The following DCHS2 variants were observed in gnomAD, a reference collection of about 807,000 sequenced individuals.
DCHS2 encodes protocadherin-23.
Under a neutral mutation model 182.4 loss-of-function variants are expected in DCHS2, and 142 were observed. That is an observed-to-expected ratio of 0.78 (90% CI 0.68 to 0.89). DCHS2 has a LOEUF of 0.89. Among genes scored for constraint, DCHS2 ranks in the 40% least tolerant of loss-of-function variants. The pLI is 0.00. For missense variants in DCHS2, 4,319 were observed against 4,198.6 expected (o/e 1.03, Z -0.79); for synonymous variants, 1,740 against 1,663.3 (o/e 1.05, Z -1.12).
At chr4:154,463,463 T>C (rs554790072) in intron 1 of DCHS2, among the ~76,000 whole-genome samples, 1 of 152,106 alleles carries the variant, frequency 6.6e-6, no homozygotes, top group Non-Finnish European at 1.5e-5. Flanking sequence ...GCCTGACATA[T>C]TTTTAACAAA....
chr4:154,450,406 G>A (rs552867988), intron 1 of DCHS2, among the ~76,000 whole-genome samples: 3 of 152,212 alleles, frequency 2.0e-5, no homozygotes, highest in African/African-American at 4.8e-5. Flanking sequence ...TTTACCAATC[G>A]CTAAAAATAA....
chr4:154,376,031 C>T (rs1031263023), intron 2 of DCHS2, among the ~76,000 whole-genome samples: 5 of 151,826 alleles, frequency 3.3e-5, no homozygotes, highest in African/African-American at 7.3e-5. Flanking sequence ...TATACTAATG[C>T]TTGGTGTTAG....
chr4:154,276,503 A>G (rs1733861089), intron 13 of DCHS2, among the ~76,000 whole-genome samples: 1 of 152,218 alleles, frequency 6.6e-6, no homozygotes, highest in African/African-American at 2.4e-5. Context: ...GAAGTGCATG[A>G]GTGAATAATT....
At chr4:154,253,958 T>A (rs959504145) in intron 16 of DCHS2, among the ~76,000 whole-genome samples, 4 of 152,234 alleles carry the variant, frequency 2.6e-5, no homozygotes, top group African/African-American at 4.8e-5. Context: ...ACAGGATGTC[T>A]GCTCTGCAGC....
chr4:154,319,103 T>C (rs1735960592), intron 9 of DCHS2, among the ~76,000 whole-genome samples: 1 of 152,080 alleles, frequency 6.6e-6, no homozygotes, highest in Non-Finnish European at 1.5e-5. Flanking sequence ...AAAAGGCTAA[T>C]CTCTTCAACA....
intron 1 of DCHS2, among the ~76,000 whole-genome samples, chr4:154,440,283 T>C (rs759764905): frequency 1.3e-5 from 2 of 152,106 alleles, no homozygotes; most frequent in Non-Finnish European, 2.9e-5. Flanking sequence ...ACTAAAAAAG[T>C]GTACGATTGA....
intron 1 of DCHS2, among the ~76,000 whole-genome samples, chr4:154,458,223 A>G (rs1409368129): frequency 4.1e-4 from 52 of 125,598 alleles, no homozygotes; most frequent in Admixed American, 4.1e-3. Context: ...TCACCCAAAG[A>G]GAAACAATAT....
intron 1 of DCHS2, among the ~76,000 whole-genome samples, chr4:154,382,228 T>G (rs929139642): frequency 1.2e-4 from 18 of 152,178 alleles, no homozygotes; most frequent in Admixed American, 7.9e-4. Context: ...GCTAGCCATA[T>G]ACAGAGGATT....
At chr4:154,386,355 G>T in intron 1 of DCHS2, among the ~76,000 whole-genome samples, 1 of 152,094 alleles carries the variant, frequency 6.6e-6, no homozygotes, top group Non-Finnish European at 1.5e-5. Context: ...CTTGTACTTG[G>T]TGTTCTCTGT....
Position 154,373,748 on chromosome 4 carries a change from A to G in DCHS2, c.2244+3505T>C. On this transcript the variant is annotated intron_variant, in intron 2 of 19. Coordinates refer to ENST00000357232, the MANE Select transcript of DCHS2 (RefSeq NM_001358235.2). ...CACACAGCTCCCTGTCTGGATCTCC[A>G]TTCAGCCTCATACCTGCAAGACGGG... 3 of 560,624 alleles carry G rather than the reference A, an allele frequency of 5.4e-6. No homozygotes were observed. In the South Asian group the frequency reaches 7.8e-5, roughly 14 times the overall value. The allele number at this position is 560,624 out of a possible 1,614,324, so 34.7% of individuals were successfully genotyped here.
chr4:154,470,230 C>A (rs530624126), intron 1 of DCHS2, among the ~76,000 whole-genome samples: 3 of 152,274 alleles, frequency 2.0e-5, no homozygotes, highest in South Asian at 4.1e-4. Context: ...GTAATTCCAG[C>A]ACTTTGGGAG....
At chr4:154,367,970 A>G (rs1003234093) in intron 2 of DCHS2, among the ~76,000 whole-genome samples, 3 of 152,130 alleles carry the variant, frequency 2.0e-5, no homozygotes, top group African/African-American at 7.2e-5. Context: ...TTTGAGGACT[A>G]AAAAATGATG....
chr4:154,348,860 C>A (rs1729476523), intron 3 of DCHS2, among the ~76,000 whole-genome samples: 1 of 151,960 alleles, frequency 6.6e-6, no homozygotes, highest in South Asian at 2.1e-4. Flanking sequence ...AGCCCTAGGA[C>A]ATGAACACCA....
intron 13 of DCHS2, among the ~76,000 whole-genome samples, chr4:154,273,510 G>A (rs1733693622): frequency 6.6e-6 from 1 of 152,068 alleles, no homozygotes; most frequent in Non-Finnish European, 1.5e-5. Flanking sequence ...TATATACACT[G>A]TTTGGGTGAC....
At chr4:154,303,679 C>A (rs1270850461) in intron 12 of DCHS2, among the ~76,000 whole-genome samples, 1 of 152,042 alleles carries the variant, frequency 6.6e-6, no homozygotes, top group African/African-American at 2.4e-5. Flanking sequence ...ATAGGAGGAA[C>A]AAGGTTAGTA....
intron 1 of DCHS2, among the ~76,000 whole-genome samples, chr4:154,453,266 G>C (rs1267191788): frequency 2.7e-5 from 4 of 149,694 alleles, no homozygotes; most frequent in African/African-American, 9.9e-5. Flanking sequence ...ATGCGACACT[G>C]CTGGAGACAG....
chr4:154,461,976 T>C (rs1735026602), intron 1 of DCHS2, among the ~76,000 whole-genome samples: 1 of 152,020 alleles, frequency 6.6e-6, no homozygotes, highest in African/African-American at 2.4e-5. Flanking sequence ...GTTAAACTTA[T>C]CAAAAGCACA....
chr4:154,413,622 C>G (rs1361775461), intron 1 of DCHS2, among the ~76,000 whole-genome samples: 1 of 152,160 alleles, frequency 6.6e-6, no homozygotes, highest in African/African-American at 2.4e-5. Flanking sequence ...CATCTGACTT[C>G]CAGTAGGTTA....
chr4:154,454,130 C>A (rs541683130), intron 1 of DCHS2, among the ~76,000 whole-genome samples: 1 of 68,304 alleles, frequency 1.5e-5, no homozygotes, highest in Non-Finnish European at 3.9e-5. Context: ...TACACACATG[C>A]GCGCGCACAC....
Sources: allele counts gnomAD v4.1 joint callset (sites outside exome capture counted in the v4.1 genomes callset), GRCh38; gene constraint gnomAD v4.1.1; transcripts MANE v1.5; gene names NCBI Gene and HGNC (gene_info 2026-07-23, HGNC 2026-07-21).